PUM2: variants seen among roughly 807,000 people sequenced by gnomAD.
The protein encoded by PUM2 is pumilio homolog 2.
PUM2 carries 57 observed loss-of-function variants against 124.5 expected under a neutral mutation model. The observed-to-expected ratio is 0.46, with a 90% CI of 0.37 to 0.57. The LOEUF (loss-of-function observed/expected upper bound fraction) is 0.57. PUM2 is among the 20% of genes least tolerant of loss of function. The pLI, the probability that PUM2 is intolerant of heterozygous loss-of-function variation, is 0.00. For missense variants in PUM2, 1,065 were observed against 1,290.6 expected, an observed-to-expected ratio of 0.83 and a Z score of 2.68; for synonymous variants, 460 against 446.1, an observed-to-expected ratio of 1.03 and a Z score of -0.39.
chr2:20,271,484 T>A (rs1450774180), intron 13 of PUM2, among the ~76,000 whole-genome samples: 1 of 152,054 alleles, frequency 6.6e-6, no homozygotes, highest in South Asian at 2.1e-4. Context: ...CGGCTAATTT[T>A]TGTATTTTTA....
At chr2:20,279,973 C>A (rs978171346) in intron 12 of PUM2, among the ~76,000 whole-genome samples, 1 of 152,072 alleles carries the variant, frequency 6.6e-6, no homozygotes, top group Non-Finnish European at 1.5e-5. Context: ...TTTTAAATGA[C>A]AAGCTCTATA....
rs1678832033 is a variant in PUM2 at position 20,308,369 on chromosome 2, G to T, written c.734C>A (p.Pro245Gln). The T allele has an allele frequency of 6.2e-7, 1 of 1,613,962 alleles. No individual in the cohort carries two copies. The change falls in exon 6 of 21, where the codon CCA becomes CAA. Residue 245 changes from proline (P) to glutamine (Q), a missense_variant. By Grantham distance (76) the Pro-to-Gln change is moderately conservative. Coordinates refer to ENST00000361078, the MANE Select transcript of PUM2 (RefSeq NM_015317.5). ...TACAGTAGCTCCTGAAGAGTCCATT[G>T]GTACCTGATTACCAGGATAGTCAAA... ...LQFDYPGNQV[P>Q]MDSSGATVGL...
intron 1 of PUM2, among the ~76,000 whole-genome samples, chr2:20,346,224 G>A (rs1445099138): frequency 6.6e-6 from 1 of 152,122 alleles, no homozygotes; most frequent in African/African-American, 2.4e-5. Flanking sequence ...TGGTTTTAAA[G>A]ATTCAAGTTT....
At chr2:20,344,816 A>G (rs978711967) in intron 1 of PUM2, among the ~76,000 whole-genome samples, 3 of 151,616 alleles carry the variant, frequency 2.0e-5, no homozygotes, top group African/African-American at 7.3e-5. Flanking sequence ...CCCCGTCTCT[A>G]CTAAAAATAC....
At chr2:20,346,863 G>A (rs866596548) in intron 1 of PUM2, among the ~76,000 whole-genome samples, 23 of 152,236 alleles carry the variant, frequency 1.5e-4, no homozygotes, top group African/African-American at 5.5e-4. Context: ...AACATTTTAG[G>A]GGGCTTCTGT....
chr2:20,322,013 C>CAA (rs1469337436), intron 2 of PUM2, among the ~76,000 whole-genome samples: 3 of 152,074 alleles, frequency 2.0e-5, no homozygotes, highest in African/African-American at 7.2e-5. Context: ...CCCACTCAGG[C>CAA]ATTTACATGA....
chr2:20,279,758 G>A (rs1026808478), intron 12 of PUM2, among the ~76,000 whole-genome samples: 2 of 152,104 alleles, frequency 1.3e-5, no homozygotes, highest in African/African-American at 4.8e-5. Context: ...TCAAGATCTG[G>A]CTGTTAATCA....
intron 7 of PUM2, among the ~76,000 whole-genome samples, chr2:20,301,650 T>A (rs942992646): frequency 6.6e-6 from 1 of 152,136 alleles, no homozygotes; most frequent in African/African-American, 2.4e-5. Flanking sequence ...TGCAGTGGCA[T>A]GATCATGGCT....
intron 1 of PUM2, among the ~76,000 whole-genome samples, chr2:20,334,233 G>A (rs1395576972): frequency 6.6e-6 from 1 of 152,148 alleles, no homozygotes; most frequent in African/African-American, 2.4e-5. Flanking sequence ...GACTGCTTGA[G>A]TCTGGGAGGT....
intron 20 of PUM2, among the ~76,000 whole-genome samples, chr2:20,253,604 C>A (rs972741285): frequency 6.6e-6 from 1 of 152,008 alleles, no homozygotes; most frequent in Non-Finnish European, 1.5e-5. Flanking sequence ...CTCAGCCTCC[C>A]AATCTGCTGG....
At chr2:20,322,817 AAAAACAAAC>A (rs1448156297) in intron 2 of PUM2, among the ~76,000 whole-genome samples, 1 of 152,128 alleles carries the variant, frequency 6.6e-6, no homozygotes, top group Non-Finnish European at 1.5e-5. Flanking sequence ...ACAAAAAACA[AAAAACAAAC>A]AAAACAAACA....
Position 20,282,981 on chromosome 2 carries a change from A to G in PUM2, c.1686T>C (p.Ala562=), listed in dbSNP as rs1671879393. 2 of 1,613,990 alleles carry G rather than the reference A, an allele frequency of 1.2e-6. No individual in the cohort carries two copies. The highest frequency in any genetic ancestry group is 1.7e-5 in the Admixed American group (1 of 59,932). ...GFGSGNSLGA[A]IGSALSGFGS... ...CAAATCCACTGAGGGCTGAGCCTAT[A>G]GCAGCACCCAAAGAGTTACCACTTC... Residue 562 remains alanine, a synonymous_variant, in exon 12 of 21, where the codon GCT becomes GCC. Coordinates refer to ENST00000361078, the MANE Select transcript of PUM2 (RefSeq NM_015317.5).
chr2:20,298,491 C>T lies in PUM2; in HGVS notation c.884-813G>A, dbSNP rs140896831. ...ACTCATTAAAGAGAGAAGAAACTCT[C>T]AGATGTTGAGGAATCACTGTACAGG... On this transcript the variant is annotated intron_variant, in intron 7 of 20. Coordinates refer to ENST00000361078, the MANE Select transcript of PUM2 (RefSeq NM_015317.5). 5.2e-3 allele frequency among the ~76,000 whole-genome samples: 794 copies of T among 152,322 alleles called. 12 individuals are homozygous for T. The highest frequency in any genetic ancestry group is 0.018 in the African/African-American group (751 of 41,564).
chr2:20,257,324 G>C (rs1367354270), intron 16 of PUM2, among the ~76,000 whole-genome samples: 1 of 152,116 alleles, frequency 6.6e-6, no homozygotes, highest in East Asian at 1.9e-4. Flanking sequence ...TTAATGCAGT[G>C]ATGAATATAT....
intron 1 of PUM2, among the ~76,000 whole-genome samples, chr2:20,334,409 T>G (rs935432306): frequency 6.6e-6 from 1 of 152,184 alleles, no homozygotes; most frequent in East Asian, 1.9e-4. Context: ...GGGAAAGCAT[T>G]TGGAGATACA....
At chr2:20,328,955 T>C (rs1281382391) in intron 1 of PUM2, among the ~76,000 whole-genome samples, 1 of 152,116 alleles carries the variant, frequency 6.6e-6, no homozygotes, top group Admixed American at 6.5e-5. Flanking sequence ...GTGGATTACT[T>C]GAGCCCAGGA....
chr2:20,272,401 T>C (rs1304368264), intron 13 of PUM2, among the ~76,000 whole-genome samples: 1 of 152,212 alleles, frequency 6.6e-6, no homozygotes, highest in Non-Finnish European at 1.5e-5. Flanking sequence ...CTCATTTGGA[T>C]ATTCAACTAC....
intron 1 of PUM2, among the ~76,000 whole-genome samples, chr2:20,328,994 C>T (rs1684295803): frequency 6.6e-6 from 1 of 151,706 alleles, no homozygotes; most frequent in African/African-American, 2.4e-5. Context: ...AACATGGCGA[C>T]ACTCGATTTT....
intron 13 of PUM2, among the ~76,000 whole-genome samples, chr2:20,278,026 C>CA (rs1183721321): frequency 1.3e-5 from 2 of 152,030 alleles, no homozygotes; most frequent in Admixed American, 1.3e-4. Flanking sequence ...TTCAGGGGTA[C>CA]AACAAGCCTA....
Sources: allele counts gnomAD v4.1 joint callset (sites outside exome capture counted in the v4.1 genomes callset), GRCh38; gene constraint gnomAD v4.1.1; transcripts MANE v1.5; gene names NCBI Gene and HGNC (gene_info 2026-07-23, HGNC 2026-07-21).